PSME3: variants seen among roughly 807,000 people sequenced by gnomAD.
The protein encoded by PSME3 is proteasome activator subunit 3.
A neutral mutation model predicts 38.3 loss-of-function variants in PSME3; 7 were observed. The ratio of observed to expected loss-of-function variants is 0.18; its 90% CI spans 0.10 to 0.34. PSME3 has a LOEUF of 0.34. Among genes scored for constraint, PSME3 ranks in the 10% least tolerant of loss-of-function variants. The pLI, the probability that PSME3 is intolerant of heterozygous loss-of-function variation, is 1.00. For synonymous variants in PSME3, 108 were observed against 105.7 expected (o/e 1.02, Z -0.13); for missense variants, 192 against 307.6 (o/e 0.62, Z 2.81).
At chr17:42,837,294 C>G (rs1046882305) in intron 4 of PSME3, among the ~76,000 whole-genome samples, 2 of 152,068 alleles carry the variant, frequency 1.3e-5, no homozygotes, top group Non-Finnish European at 2.9e-5. Context: ...TGTGATCCAC[C>G]TACCTTGGCC....
rs1416822575 is a variant in PSME3, at chr17:42,833,425, G to A, written c.-207G>A. Reference sequence around the variant, plus strand: ...GTTTCCGGCGTGAGCGGCGAAAGCCGGGAGGGCGAGCGAGAGAGCAAGCAG... The same window carrying A: ...GTTTCCGGCGTGAGCGGCGAAAGCCAGGAGGGCGAGCGAGAGAGCAAGCAG... On this transcript the variant is annotated 5_prime_UTR_variant, in exon 1 of 11. Transcript: ENST00000590720. The A allele has an allele frequency of 3.3e-6, 2 of 615,320 alleles. No homozygotes were observed. Among genetic ancestry groups the A allele is most frequent in the Non-Finnish European group, 5.7e-6 (2 of 349,716 alleles). The allele number at this position is 615,320 out of a possible 1,614,324, so 38.1% of individuals were successfully genotyped here. A position where few individuals can be genotyped will look rare whatever the true frequency, so the allele number is the denominator to read the frequency against.
Position 42,833,670 on chromosome 17 carries a change from C to G in PSME3, c.39C>G (p.Leu13=), listed in dbSNP as rs1305082940. Residue 13 remains leucine (L), a synonymous_variant, in exon 1 of 11, where the codon CTC becomes CTG. Coordinates refer to ENST00000590720, the MANE Select transcript of PSME3 (RefSeq NM_005789.4). ...SLLKVDQEVK[L]KVDSFRERIT... ...TGAAGGTGGATCAGGAAGTGAAGCT[C>G]AAGGTAGCGGCACCGGTCCGGCCTT... 1.2e-6 allele frequency: 2 copies of G among 1,614,216 alleles called. No homozygotes were observed. Among genetic ancestry groups the G allele is most frequent in the South Asian group, 1.1e-5 (1 of 91,084 alleles).
At chr17:42,837,853 A>G in intron 5 of PSME3, 156 bp downstream of exon 5, 1 of 952,286 alleles carries the variant, frequency 1.1e-6, no homozygotes, top group Non-Finnish European at 1.6e-6. Context: ...CTTGTTATTG[A>G]GTGCTCTAAA....
chr17:42,837,263 C>G (rs113052344), intron 4 of PSME3, among the ~76,000 whole-genome samples: 3,312 of 152,196 alleles, frequency 0.022, 127 homozygotes, highest in South Asian at 0.1. Flanking sequence ...CTTGGCCAGG[C>G]TGGTCTTGAA....
In PSME3 at chr17:42,839,123, C is replaced by G. The variant is rs1359432903; in HGVS notation, c.554C>G (p.Thr185Arg). 1 of 1,592,014 alleles carries G rather than the reference C, an allele frequency of 6.3e-7. No homozygotes were observed. Among genetic ancestry groups the G allele is most frequent in the African/African-American group, 1.3e-5 (1 of 74,332 alleles). Residue 185 changes from threonine (T) to arginine (R), a missense_variant, in exon 9 of 11, where the codon ACA becomes AGA. This residue lies in a region of PSME3 where 82 missense variants were observed against 168.2 expected (regional missense o/e 0.49). Transcript: ENST00000590720. ...YLDQISRYYI[T>R]RAKLVSKIAK... is the part of the protein sequence containing the mutation. ...CTCTCTCTTTCCAGATATTATATTA[C>G]AAGAGCCAAATTGGTTTCTAAAATA...
chr17:42,840,989 C>T (rs557085194), intron 10 of PSME3, among the ~76,000 whole-genome samples: 58 of 151,858 alleles, frequency 3.8e-4, no homozygotes, highest in African/African-American at 1.3e-3. Context: ...AAAAATTAGC[C>T]GGGTGTGGTG....
rs2055545231 is a variant in PSME3, at chr17:42,842,418, C to T, written c.*840C>T. The T allele has an allele frequency of 6.5e-6, 1 of 152,834 alleles. No individual in the cohort carries two copies. The highest frequency in any genetic ancestry group is 2.1e-4 in the South Asian group (1 of 4,836). 9.5% of individuals were successfully genotyped at this position (152,834 alleles called of 1,614,324 possible). Reference sequence around the variant, plus strand: ...GTACCCAGGGTGAGTTGGTGGAGAACAGAGAGATGAGAAGCAGAGGGCTTG... The same window carrying T: ...GTACCCAGGGTGAGTTGGTGGAGAATAGAGAGATGAGAAGCAGAGGGCTTG... On this transcript the variant is annotated 3_prime_UTR_variant, in exon 11 of 11. Transcript: ENST00000590720.
chr17:42,835,738 G>A (rs955798986), intron 4 of PSME3, among the ~76,000 whole-genome samples: 1 of 150,392 alleles, frequency 6.6e-6, no homozygotes, highest in Non-Finnish European at 1.5e-5. Flanking sequence ...AAAAAAAAAA[G>A]AGAACTAGCT....
chr17:42,839,160 C>G lies in PSME3; in HGVS notation c.591C>G (p.Pro197=), dbSNP rs773243590. 6.3e-7 allele frequency: 1 copy of G among 1,580,970 alleles called. No individual in the cohort carries two copies. Among genetic ancestry groups the G allele is most frequent in the Non-Finnish European group, 8.7e-7 (1 of 1,149,952 alleles). Residue 197 remains proline, a synonymous_variant, in exon 9 of 11, where the codon CCC becomes CCG. Transcript: ENST00000590720. ...AKLVSKIAKY[P]HVEDYRRTVT... is the part of the protein sequence containing the mutation. Reference sequence around the variant, plus strand: ...TGGTTTCTAAAATAGCTAAATATCCCCATGTGGTAAGTAAGGGGTTTGTGG... The same window carrying G: ...TGGTTTCTAAAATAGCTAAATATCCGCATGTGGTAAGTAAGGGGTTTGTGG...
chr17:42,835,186 C>T (rs1188617814), intron 4 of PSME3, among the ~76,000 whole-genome samples: 3 of 151,990 alleles, frequency 2.0e-5, no homozygotes, highest in Admixed American at 6.6e-5. Context: ...TACAGGAGTC[C>T]ACCACCATGC....
intron 3 of PSME3, 85 bp from the exon 4 acceptor site, chr17:42,834,687 A>G (rs2055441013): frequency 6.2e-7 from 1 of 1,603,702 alleles, no homozygotes. Context: ...TAAACTGTAA[A>G]AGCACTTTCA....
intron 1 of PSME3, chr17:42,834,080 C>G: frequency 6.9e-7 from 1 of 1,445,522 alleles, no homozygotes; most frequent in Non-Finnish European, 9.0e-7. Context: ...CTTTTGTCTG[C>G]TTATCAAATT....
At chr17:42,837,798 T>A (rs1567680740) in intron 5 of PSME3, 101 bp downstream of exon 5, 1 of 1,335,520 alleles carries the variant, frequency 7.5e-7, no homozygotes, top group East Asian at 2.3e-5. Context: ...AGGCAAGATC[T>A]AATCTTACTT....
intron 4 of PSME3, among the ~76,000 whole-genome samples, chr17:42,836,248 G>A (rs1302871774): frequency 1.3e-5 from 2 of 151,732 alleles, no homozygotes; most frequent in Non-Finnish European, 2.9e-5. Flanking sequence ...CAGGTGATCC[G>A]CCCGCCTCAG....
intron 10 of PSME3, 29 bp from the exon 11 acceptor site, chr17:42,841,469 T>G: frequency 2.0e-6 from 3 of 1,472,964 alleles, no homozygotes; most frequent in Non-Finnish European, 2.8e-6. Flanking sequence ...TGTACAGATA[T>G]GTGATTCCCC....
chr17:42,837,876 A>G (rs1271670400), intron 5 of PSME3, 179 bp downstream of exon 5: 21 of 878,740 alleles, frequency 2.4e-5, no homozygotes, highest in East Asian at 1.0e-4. Flanking sequence ...TGGTTTTCCA[A>G]TAAACAGAGG....
Position 42,833,625 on chromosome 17 carries a change from C to A in PSME3, c.-7C>A. The A allele has an allele frequency of 6.2e-7, 1 of 1,614,238 alleles. No homozygotes were observed. The highest frequency in any genetic ancestry group is 8.5e-7 in the Non-Finnish European group (1 of 1,180,038). On this transcript the variant is annotated 5_prime_UTR_variant, in exon 1 of 11. Coordinates refer to ENST00000590720, the MANE Select transcript of PSME3 (RefSeq NM_005789.4). ...GTCCAGAGGATCGGACACGGCCCGG[C>A]CCGGCCATGGCCTCGTTGCTGAAGG...
Position 42,834,393 on chromosome 17 carries a change from G to C in PSME3, c.75+17G>C, listed in dbSNP as rs1249886550. 1 of 1,613,530 alleles carries C rather than the reference G, an allele frequency of 6.2e-7. No individual in the cohort carries two copies. Among genetic ancestry groups the C allele is most frequent in the South Asian group, 1.1e-5 (1 of 91,056 alleles). On this transcript the variant is annotated intron_variant, in intron 2 of 10. Coordinates refer to ENST00000590720, the MANE Select transcript of PSME3 (RefSeq NM_005789.4). The stretch of plus-strand genomic sequence containing the variant: ...ACAAGTGAGGTGAGTGAAATAAATA[G>C]AAAAATGGTTGTTGGTTGAGAATTT...
In PSME3 at chr17:42,837,710, C is replaced by G. The variant is rs1431649379; in HGVS notation, c.292+13C>G. On this transcript the variant is annotated intron_variant, in intron 5 of 10. Coordinates refer to ENST00000590720, the MANE Select transcript of PSME3 (RefSeq NM_005789.4). Reference sequence around the variant, plus strand: ...GAAGCCTTCCAAGGTAAGAGGCACCCTTACCTCACCTCCCCTCACCCCATC... The same window carrying G: ...GAAGCCTTCCAAGGTAAGAGGCACCGTTACCTCACCTCCCCTCACCCCATC... 1 of 1,612,328 alleles carries G rather than the reference C, an allele frequency of 6.2e-7. No homozygotes were observed. Among genetic ancestry groups the G allele is most frequent in the East Asian group, 2.2e-5 (1 of 44,870 alleles).
Sources: allele counts gnomAD v4.1 joint callset (sites outside exome capture counted in the v4.1 genomes callset), GRCh38; gene constraint gnomAD v4.1.1; regional missense constraint gnomAD v4.1.1; transcripts MANE v1.5; gene names NCBI Gene and HGNC (gene_info 2026-07-23, HGNC 2026-07-21).